The following POU1F1 variants were observed in gnomAD, a reference collection of about 807,000 sequenced individuals.
POU1F1 encodes the protein POU class 1 homeobox 1.
A neutral mutation model predicts 32.3 loss-of-function variants in POU1F1; 23 were observed. That is an observed-to-expected ratio of 0.71 (90% CI 0.51 to 1.01). The LOEUF (loss-of-function observed/expected upper bound fraction) is 1.01. Among genes scored for constraint, POU1F1 ranks in the 50% least tolerant of loss-of-function variants. POU1F1 has a pLI of 0.00. For missense variants in POU1F1, 323 were observed against 341.6 expected, an observed-to-expected ratio of 0.95 and a Z score of 0.43; for synonymous variants, 120 against 115.6, an observed-to-expected ratio of 1.04 and a Z score of -0.25.
chr3:87,270,014 A>G (rs570940422), intron 2 of POU1F1, among the ~76,000 whole-genome samples: 3 of 152,128 alleles, frequency 2.0e-5, no homozygotes, highest in African/African-American at 7.2e-5. Flanking sequence ...CAGAAACCCA[A>G]GAGTCAGAGT....
At chr3:87,264,650 A>G (rs1299893794) in intron 2 of POU1F1, 138 bp from the exon 3 acceptor site, 2 of 698,328 alleles carry the variant, frequency 2.9e-6, no homozygotes, top group Admixed American at 4.9e-5. Flanking sequence ...CCTTACATTC[A>G]GTCTTCCGAA....
intron 2 of POU1F1, among the ~76,000 whole-genome samples, chr3:87,270,980 C>T (rs1171794087): frequency 1.3e-5 from 2 of 151,740 alleles, no homozygotes; most frequent in Non-Finnish European, 2.9e-5. Flanking sequence ...ATTTAACAAT[C>T]CCTCTCAAAA....
At chr3:87,274,125 G>T (rs1000224816) in intron 1 of POU1F1, among the ~76,000 whole-genome samples, 2 of 152,028 alleles carry the variant, frequency 1.3e-5, no homozygotes, top group Non-Finnish European at 2.9e-5. Flanking sequence ...TAATGATAAA[G>T]CTGGTCAAAA....
At chr3:87,275,451 A>T (rs1473547643) in intron 1 of POU1F1, among the ~76,000 whole-genome samples, 1 of 152,084 alleles carries the variant, frequency 6.6e-6, no homozygotes. Flanking sequence ...ATATAATTTC[A>T]TTCCTAAATA....
At chr3:87,266,519 A>T (rs542987448) in intron 2 of POU1F1, among the ~76,000 whole-genome samples, 47 of 151,502 alleles carry the variant, frequency 3.1e-4, no homozygotes, top group African/African-American at 1.1e-3. Context: ...CTGGGAAAAG[A>T]TGTGAAAGAA....
intron 2 of POU1F1, among the ~76,000 whole-genome samples, chr3:87,268,876 A>G (rs544607172): frequency 6.6e-6 from 1 of 152,152 alleles, no homozygotes; most frequent in African/African-American, 2.4e-5. Flanking sequence ...ACAGAGGTAA[A>G]TCTTTTAAAG....
intron 5 of POU1F1, among the ~76,000 whole-genome samples, chr3:87,260,348 A>G (rs1371214527): frequency 6.6e-6 from 1 of 152,182 alleles, no homozygotes; most frequent in Non-Finnish European, 1.5e-5. Flanking sequence ...GGGGACCCAG[A>G]CTTTCTATGT....
At chr3:87,265,793 AT>A (rs1706609496) in intron 2 of POU1F1, among the ~76,000 whole-genome samples, 2 of 151,996 alleles carry the variant, frequency 1.3e-5, no homozygotes, top group South Asian at 4.1e-4. Flanking sequence ...CCTAGGTTAT[AT>A]GCAAATACTA....
chr3:87,271,578 C>G (rs116451296), intron 2 of POU1F1, among the ~76,000 whole-genome samples: 251 of 152,228 alleles, frequency 1.6e-3, no homozygotes, highest in African/African-American at 5.5e-3. Flanking sequence ...GAAACAGTGG[C>G]ATGTGTTTGT....
chr3:87,259,675 AATAG>A lies in POU1F1; in HGVS notation c.*215_*218del, dbSNP rs1191073215. The stretch of plus-strand genomic sequence containing the variant: ...ATTACTGTTAATATATTTGGCTTAA[AATAG>A]ATAATGTGGCTTCTGAGAATAATTA... On this transcript the variant is annotated 3_prime_UTR_variant, in exon 6 of 6. Transcript: ENST00000350375. 18 of 539,850 alleles carry A rather than the reference AATAG, an allele frequency of 3.3e-5. No homozygotes were observed. The highest frequency in any genetic ancestry group is 5.2e-5 in the Non-Finnish European group (16 of 308,180). The allele number at this position is 539,850 out of a possible 1,614,324, so 33.4% of individuals were successfully genotyped here.
At chr3:87,264,825 C>T (rs921461443) in intron 2 of POU1F1, among the ~76,000 whole-genome samples, 1 of 152,122 alleles carries the variant, frequency 6.6e-6, no homozygotes, top group African/African-American at 2.4e-5. Flanking sequence ...TCATGTTTTT[C>T]TCTTAAATGA....
At chr3:87,275,918 A>G (rs565623070) in intron 1 of POU1F1, among the ~76,000 whole-genome samples, 2 of 152,206 alleles carry the variant, frequency 1.3e-5, no homozygotes, top group South Asian at 4.1e-4. Flanking sequence ...AGTAAATGTA[A>G]TTTAACAACC....
At position 87,262,061 on chromosome 3, in the gene POU1F1, AAT is replaced by A. The variant is rs1706523924; in HGVS notation, c.604+8_604+9del. ...AACACAGCACAGCCTTCAGAGACAC[AAT>A]TTAGTACCTCCTACTTGCTCAGCTT... On this transcript the variant is annotated splice_region_variant and intron_variant, in intron 4 of 5. Coordinates refer to ENST00000350375, the MANE Select transcript of POU1F1 (RefSeq NM_000306.4). 5.0e-6 allele frequency: 8 copies of A among 1,613,970 alleles called. No individual in the cohort carries two copies. In the East Asian group the frequency reaches 1.8e-4, roughly 36 times the overall value.
intron 1 of POU1F1, among the ~76,000 whole-genome samples, chr3:87,273,816 C>A (rs1258727054): frequency 6.6e-6 from 1 of 152,036 alleles, no homozygotes. Context: ...CATTGCAACT[C>A]GCCGACTAGA....
In POU1F1 at chr3:87,261,178, TTA is replaced by T. The variant is rs1018163805; in HGVS notation, c.665+93_665+94del. On this transcript the variant is annotated intron_variant, in intron 5 of 5. Transcript: ENST00000350375. ...CTTGGCCTCCCAATTCACCTTACAT[TTA>T]TATGTTATGTTACACCTGCATTACA... is the stretch of plus-strand genomic sequence containing the variant. 1.9e-5 allele frequency: 18 copies of T among 957,164 alleles called. No individual in the cohort carries two copies. In the African/African-American group the frequency reaches 2.9e-4, roughly 16 times the overall value. 59.3% of individuals were successfully genotyped at this position (957,164 alleles called of 1,614,324 possible).
Position 87,264,523 on chromosome 3 carries a change from A to G in POU1F1, c.215-11T>C. 1 of 1,545,904 alleles carries G rather than the reference A, an allele frequency of 6.5e-7. No homozygotes were observed. ...AAGGGGTTAAACTACCTGTGAGTAA[A>G]CAAAGAAATAAAATGAAAAAGACCA... On this transcript the variant is annotated splice_polypyrimidine_tract_variant and intron_variant, in intron 2 of 5. Transcript: ENST00000350375.
At chr3:87,266,457 A>G (rs1706624673) in intron 2 of POU1F1, among the ~76,000 whole-genome samples, 1 of 150,444 alleles carries the variant, frequency 6.6e-6, no homozygotes, top group South Asian at 2.1e-4. Context: ...AAGTAAACAT[A>G]CAAATGAGAG....
intron 1 of POU1F1, among the ~76,000 whole-genome samples, chr3:87,274,941 T>G (rs974348737): frequency 4.6e-5 from 7 of 151,914 alleles, no homozygotes; most frequent in African/African-American, 1.7e-4. Flanking sequence ...ATAAATGGCA[T>G]TTTGAGTATA....
intron 3 of POU1F1, among the ~76,000 whole-genome samples, chr3:87,262,908 T>C (rs866597121): frequency 1.2e-4 from 18 of 152,130 alleles, no homozygotes; most frequent in African/African-American, 4.3e-4. Flanking sequence ...GTAATATAGA[T>C]AGAAAACTGA....
Sources: gnomAD v4.1 joint callset for allele counts (sites outside exome capture counted in the v4.1 genomes callset) on GRCh38, gnomAD v4.1.1 for gene constraint, MANE v1.5 for transcripts, NCBI Gene and HGNC (gene_info 2026-07-23, HGNC 2026-07-21) for gene names.